Variants in EPHB1 observed in about 807,000 individuals in gnomAD.
EPHB1 encodes the protein ephrin type-B receptor 1.
EPHB1 carries 30 observed loss-of-function variants against 94.4 expected under a neutral mutation model. The ratio of observed to expected loss-of-function variants is 0.32; its 90% CI spans 0.24 to 0.43. EPHB1 has a LOEUF of 0.43. EPHB1 is among the 20% of genes least tolerant of loss of function. EPHB1 has a pLI of 1.00. For missense variants in EPHB1, 1,055 were observed against 1,308.3 expected (o/e 0.81, Z 2.99); for synonymous variants, 522 against 489.1 (o/e 1.07, Z -0.89).
intron 2 of EPHB1, among the ~76,000 whole-genome samples, chr3:134,934,821 T>C (rs1017663719): frequency 7.2e-5 from 11 of 152,164 alleles, no homozygotes; most frequent in Non-Finnish European, 1.3e-4. Flanking sequence ...ATTTTCTTGC[T>C]CTTGGAAATG....
intron 10 of EPHB1, among the ~76,000 whole-genome samples, chr3:135,182,940 G>A (rs1167954536): frequency 6.6e-6 from 1 of 151,694 alleles, no homozygotes; most frequent in East Asian, 1.9e-4. Context: ...TCCTGAGCCT[G>A]CCCTCTGTTT....
intron 12 of EPHB1, among the ~76,000 whole-genome samples, chr3:135,237,902 G>T (rs1943693641): frequency 6.6e-6 from 1 of 152,156 alleles, no homozygotes; most frequent in Non-Finnish European, 1.5e-5. Context: ...GCAGCAGCAG[G>T]ACCGCCTGGC....
At chr3:134,822,938 G>T (rs2036409112) in intron 1 of EPHB1, among the ~76,000 whole-genome samples, 1 of 152,128 alleles carries the variant, frequency 6.6e-6, no homozygotes, top group African/African-American at 2.4e-5. Flanking sequence ...CCTCAGATCT[G>T]GTGAAAAGGG....
intron 1 of EPHB1, among the ~76,000 whole-genome samples, chr3:134,825,416 A>T (rs1177123048): frequency 6.6e-6 from 1 of 152,206 alleles, no homozygotes; most frequent in Non-Finnish European, 1.5e-5. Context: ...CCAGCAATTG[A>T]GATTGAATGA....
At chr3:134,890,201 C>T (rs2037951262) in intron 1 of EPHB1, among the ~76,000 whole-genome samples, 1 of 152,114 alleles carries the variant, frequency 6.6e-6, no homozygotes, top group South Asian at 2.1e-4. Flanking sequence ...TGTTTAATGC[C>T]TGTGCATGTG....
chr3:135,201,022 A>G (rs760134081), intron 11 of EPHB1, among the ~76,000 whole-genome samples: 5 of 152,154 alleles, frequency 3.3e-5, no homozygotes, highest in Admixed American at 2.6e-4. Flanking sequence ...AGCTGATCCC[A>G]GGCGGTCTCA....
chr3:135,210,336 T>C (rs768777222), intron 12 of EPHB1, among the ~76,000 whole-genome samples: 1 of 152,196 alleles, frequency 6.6e-6, no homozygotes, highest in Non-Finnish European at 1.5e-5. Flanking sequence ...GATATCACAG[T>C]AGAGCTGCTG....
At chr3:135,016,601 A>C (rs1935802430) in intron 3 of EPHB1, among the ~76,000 whole-genome samples, 1 of 152,210 alleles carries the variant, frequency 6.6e-6, no homozygotes, top group South Asian at 2.1e-4. Context: ...AAGAAATGCC[A>C]GTTGCCTTTC....
chr3:134,972,241 G>A (rs1933997213), intron 3 of EPHB1, among the ~76,000 whole-genome samples: 2 of 151,598 alleles, frequency 1.3e-5, no homozygotes, highest in South Asian at 4.2e-4. Context: ...CTCCTTCAGA[G>A]CATCCTTGCT....
intron 9 of EPHB1, among the ~76,000 whole-genome samples, chr3:135,178,040 A>G (rs1340715754): frequency 6.6e-6 from 1 of 152,248 alleles, no homozygotes; most frequent in East Asian, 1.9e-4. Flanking sequence ...TGTCCTCCCA[A>G]AGCTTTCAAG....
intron 1 of EPHB1, among the ~76,000 whole-genome samples, chr3:134,832,211 T>C (rs1465989920): frequency 6.6e-6 from 1 of 152,252 alleles, no homozygotes; most frequent in Non-Finnish European, 1.5e-5. Context: ...GTCCTGTTGT[T>C]TGTTGGCTTG....
At chr3:134,943,675 G>C (rs1331756321) in intron 2 of EPHB1, among the ~76,000 whole-genome samples, 1 of 152,186 alleles carries the variant, frequency 6.6e-6, no homozygotes, top group Non-Finnish European at 1.5e-5. Context: ...ATCAGTGATA[G>C]GGATGCTTCC....
intron 3 of EPHB1, among the ~76,000 whole-genome samples, chr3:135,046,523 C>G (rs2107768687): frequency 6.6e-6 from 1 of 152,346 alleles, no homozygotes; most frequent in East Asian, 1.9e-4. Context: ...TCAACAGAGA[C>G]TCTACTGTAC....
At chr3:134,870,615 C>T (rs2037479912) in intron 1 of EPHB1, among the ~76,000 whole-genome samples, 1 of 152,194 alleles carries the variant, frequency 6.6e-6, no homozygotes, top group Admixed American at 6.5e-5. Context: ...CTAATGCTGC[C>T]CCAGATTGGC....
chr3:135,253,984 G>A, intron 15 of EPHB1, among the ~76,000 whole-genome samples: 1 of 133,138 alleles, frequency 7.5e-6, no homozygotes, highest in Non-Finnish European at 1.6e-5. Flanking sequence ...AATTGTGAAT[G>A]GGAGTTCACT....
chr3:135,229,248 C>T (rs140310464), intron 12 of EPHB1, among the ~76,000 whole-genome samples: 30 of 152,280 alleles, frequency 2.0e-4, no homozygotes, highest in African/African-American at 5.5e-4. Context: ...GCTCCTCATA[C>T]GCCCCTCTGA....
chr3:134,856,471 G>T (rs534732831), intron 1 of EPHB1, among the ~76,000 whole-genome samples: 21 of 152,350 alleles, frequency 1.4e-4, no homozygotes, highest in Admixed American at 1.3e-3. Flanking sequence ...TCTGCAAAGA[G>T]ATTCTTTTTC....
chr3:134,858,277 C>T (rs1406103654), intron 1 of EPHB1, among the ~76,000 whole-genome samples: 1 of 151,968 alleles, frequency 6.6e-6, no homozygotes, highest in Non-Finnish European at 1.5e-5. Flanking sequence ...TATTCTATTA[C>T]CATTCTAAAT....
intron 1 of EPHB1, among the ~76,000 whole-genome samples, chr3:134,801,936 C>T (rs550836036): frequency 1.3e-5 from 2 of 152,326 alleles, no homozygotes; most frequent in African/African-American, 4.8e-5. Flanking sequence ...GCCTGGAGGG[C>T]AGTGGGTTGG....
Sources: allele counts gnomAD v4.1 joint callset (sites outside exome capture counted in the v4.1 genomes callset), GRCh38; gene constraint gnomAD v4.1.1; transcripts MANE v1.5; gene names NCBI Gene and HGNC (gene_info 2026-07-23, HGNC 2026-07-21).